The following CCDC73 variants were observed in gnomAD, a reference collection of about 807,000 sequenced individuals.
CCDC73 encodes the protein coiled-coil domain-containing protein 73.
In CCDC73, 95 loss-of-function variants were observed where a neutral mutation model predicts 116.5. That is an observed-to-expected ratio of 0.82 (90% confidence interval 0.69 to 0.97). CCDC73 has a LOEUF of 0.97. Ranked by LOEUF, CCDC73 falls within the 50% of genes least tolerant of loss-of-function variation. CCDC73 has a pLI of 0.00. For missense variants in CCDC73, 1,066 were observed against 1,206.8 expected, an observed-to-expected ratio of 0.88 and a Z score of 1.73; for synonymous variants, 398 against 401.3, an observed-to-expected ratio of 0.99 and a Z score of 0.10.
At chr11:32,799,073 C>A (rs971417440), upstream of CCDC73, among the ~76,000 whole-genome samples, 1 of 146,668 alleles carries the variant, frequency 6.8e-6, no homozygotes, top group Non-Finnish European at 1.5e-5. Flanking sequence ...CCACACTTGG[C>A]TAATTTTTTT....
At chr11:32,800,155 A>T in the CCDC73 span, among the ~76,000 whole-genome samples, 2 of 152,190 alleles carry the variant, frequency 1.3e-5, no homozygotes, top group Non-Finnish European at 2.9e-5. Context: ...ATATAGTAAC[A>T]TGTCAATTAG....
intron 9 of CCDC73, among the ~76,000 whole-genome samples, chr11:32,659,671 T>C (rs1049214531): frequency 6.6e-6 from 1 of 152,222 alleles, no homozygotes; most frequent in African/African-American, 2.4e-5. Flanking sequence ...ACACTTAGGA[T>C]GCTTTAGCTA....
intron 9 of CCDC73, among the ~76,000 whole-genome samples, chr11:32,655,368 T>G (rs891537301): frequency 2.0e-4 from 30 of 152,184 alleles, no homozygotes; most frequent in Non-Finnish European, 8.8e-5. Flanking sequence ...TACAATGTAA[T>G]GAGTGCTATA....
intron 2 of CCDC73, among the ~76,000 whole-genome samples, chr11:32,736,938 ACAT>A (rs2133352179): frequency 1.6e-5 from 1 of 62,644 alleles, no homozygotes; most frequent in South Asian, 7.4e-4. Flanking sequence ...ACATGTTCTC[ACAT>A]ATATATATAT....
At chr11:32,629,575 T>C (rs1321394400) in intron 14 of CCDC73, among the ~76,000 whole-genome samples, 1 of 152,120 alleles carries the variant, frequency 6.6e-6, no homozygotes, top group Non-Finnish European at 1.5e-5. Flanking sequence ...AATTTTTGTA[T>C]TTTTAGTAGA....
intron 13 of CCDC73, among the ~76,000 whole-genome samples, chr11:32,640,917 G>A (rs925179066): frequency 6.6e-6 from 1 of 151,840 alleles, no homozygotes; most frequent in East Asian, 1.9e-4. Flanking sequence ...CTCAGGAGGC[G>A]AGGCAGGAGA....
chr11:32,757,452 G>A (rs1190641521), intron 2 of CCDC73, among the ~76,000 whole-genome samples: 1 of 152,138 alleles, frequency 6.6e-6, no homozygotes, highest in East Asian at 1.9e-4. Flanking sequence ...TATACTATGA[G>A]ATCAAGCATA....
intron 7 of CCDC73, among the ~76,000 whole-genome samples, chr11:32,676,340 A>T (rs1856089079): frequency 6.6e-6 from 1 of 152,190 alleles, no homozygotes; most frequent in Non-Finnish European, 1.5e-5. Context: ...AAGAAAAGTG[A>T]GGAGAAAAAG....
chr11:32,790,733 T>C (rs1850667913), intron 1 of CCDC73, among the ~76,000 whole-genome samples: 2 of 152,052 alleles, frequency 1.3e-5, no homozygotes, highest in Non-Finnish European at 2.9e-5. Context: ...AAACATGAAC[T>C]GTATATGTGT....
intron 6 of CCDC73, among the ~76,000 whole-genome samples, chr11:32,691,067 C>T (rs1208919716): frequency 6.7e-5 from 10 of 150,172 alleles, no homozygotes; most frequent in Non-Finnish European, 1.3e-4. Context: ...TTTTTCAAGA[C>T]CAGTCTCACT....
intron 2 of CCDC73, among the ~76,000 whole-genome samples, chr11:32,735,956 T>C (rs1850125776): frequency 6.6e-6 from 1 of 152,134 alleles, no homozygotes; most frequent in Non-Finnish European, 1.5e-5. Flanking sequence ...TGGCTAGCCA[T>C]ATGTAGAAAA....
intron 1 of CCDC73, 117 bp from the exon 2 acceptor site, chr11:32,760,375 A>G (rs1455867753): frequency 1.7e-6 from 1 of 601,594 alleles, no homozygotes; most frequent in Non-Finnish European, 2.9e-6. Context: ...TCAGCACTGA[A>G]TAACAGTTGT....
At chr11:32,663,803 G>A (rs1443933460) in intron 9 of CCDC73, among the ~76,000 whole-genome samples, 4 of 152,102 alleles carry the variant, frequency 2.6e-5, no homozygotes, top group Non-Finnish European at 5.9e-5. Context: ...TCAGTATGAT[G>A]TTGGCTGTGG....
chr11:32,811,007 C>T, the CCDC73 span, among the ~76,000 whole-genome samples: 16 of 151,540 alleles, frequency 1.1e-4, no homozygotes, highest in African/African-American at 3.4e-4. Flanking sequence ...GGCACAGTGG[C>T]ATGCCCTTAT....
chr11:32,830,198 C>T, the CCDC73 span: 2 of 1,066,746 alleles, frequency 1.9e-6, no homozygotes. Context: ...GGCAGGACCT[C>T]GGCGGGGAGG....
chr11:32,660,255 A>G (rs984977935), intron 9 of CCDC73, among the ~76,000 whole-genome samples: 1 of 140,808 alleles, frequency 7.1e-6, no homozygotes, highest in Non-Finnish European at 1.6e-5. Flanking sequence ...AAAAAAAAAA[A>G]CAGGTTGGAT....
intron 14 of CCDC73, among the ~76,000 whole-genome samples, chr11:32,622,605 T>C (rs1335555370): frequency 6.8e-6 from 1 of 147,788 alleles, no homozygotes. Context: ...CAAACCACCA[T>C]GGCACACGTA....
chr11:32,745,836 G>T (rs1389485631), intron 2 of CCDC73, among the ~76,000 whole-genome samples: 3 of 150,812 alleles, frequency 2.0e-5, no homozygotes, highest in Non-Finnish European at 2.9e-5. Context: ...CGTGAGGTGG[G>T]TCTCTTGAAT....
the CCDC73 span, among the ~76,000 whole-genome samples, chr11:32,822,377 A>G: frequency 6.6e-6 from 1 of 152,224 alleles, no homozygotes; most frequent in South Asian, 2.1e-4. Context: ...GACTAACAGA[A>G]TCAGCACATT....
Sources: allele counts gnomAD v4.1 joint callset (sites outside exome capture counted in the v4.1 genomes callset), GRCh38; gene constraint gnomAD v4.1.1; transcripts MANE v1.5; gene names NCBI Gene and HGNC (gene_info 2026-07-23, HGNC 2026-07-21).